FGF14: variants seen among roughly 807,000 people sequenced by gnomAD.
FGF14 encodes the protein fibroblast growth factor homologous factor 4.
FGF14 carries 5 observed loss-of-function variants against 25.5 expected under a neutral mutation model. That is an observed-to-expected ratio of 0.20 (90% CI 0.10 to 0.41). The LOEUF is 0.41. Ranked by LOEUF, FGF14 falls within the 10% of genes least tolerant of loss-of-function variation. The pLI is 1.00. For missense variants in FGF14, 222 were observed against 320.1 expected (o/e 0.69, Z 2.34); for synonymous variants, 138 against 118.3 (o/e 1.17, Z -1.08).
At chr13:102,120,978 A>G (rs2045698601) in intron 1 of FGF14, among the ~76,000 whole-genome samples, 3 of 152,208 alleles carry the variant, frequency 2.0e-5, no homozygotes, top group Non-Finnish European at 4.4e-5. Flanking sequence ...TGCTGGGATT[A>G]CAGGCATGAG....
chr13:102,145,311 A>G (rs148528234), intron 1 of FGF14, among the ~76,000 whole-genome samples: 2 of 152,292 alleles, frequency 1.3e-5, no homozygotes, highest in Admixed American at 1.3e-4. Context: ...GTTCTACTAG[A>G]AAAGGAGGGT....
chr13:101,801,918 C>A, intron 3 of FGF14: 1 of 430,776 alleles, frequency 2.3e-6, no homozygotes, highest in South Asian at 1.9e-5. Flanking sequence ...GGTAAGATGT[C>A]TGCTTGTGCT....
intron 1 of FGF14, among the ~76,000 whole-genome samples, chr13:102,191,940 T>C (rs1234614164): frequency 6.6e-6 from 1 of 152,180 alleles, no homozygotes; most frequent in Non-Finnish European, 1.5e-5. Flanking sequence ...CACAAGAATG[T>C]CTAAAACCAA....
chr13:101,734,467 A>T (rs527433027), intron 3 of FGF14, among the ~76,000 whole-genome samples: 123 of 152,330 alleles, frequency 8.1e-4, no homozygotes, highest in Non-Finnish European at 1.5e-3. Flanking sequence ...GAATATAGAC[A>T]TGTATAAACT....
intron 1 of FGF14, among the ~76,000 whole-genome samples, chr13:102,383,224 A>AC (rs71125067): frequency 0.36 from 54,433 of 151,468 alleles, 11,586 homozygotes; most frequent in African/African-American, 0.6. Flanking sequence ...TTCTTACATA[A>AC]AAATATGTTA....
chr13:101,960,722 C>T (rs1404436885), intron 1 of FGF14, among the ~76,000 whole-genome samples: 2 of 152,044 alleles, frequency 1.3e-5, no homozygotes, highest in African/African-American at 4.8e-5. Flanking sequence ...ATGGGATTGC[C>T]AGGTCAAACG....
intron 1 of FGF14, among the ~76,000 whole-genome samples, chr13:102,365,002 T>C (rs2057668694): frequency 6.6e-6 from 1 of 152,148 alleles, no homozygotes; most frequent in South Asian, 2.1e-4. Flanking sequence ...CCTTAAAAAT[T>C]TACCTAACTT....
chr13:102,087,013 G>A (rs1216387029), intron 1 of FGF14, among the ~76,000 whole-genome samples: 1 of 152,196 alleles, frequency 6.6e-6, no homozygotes, highest in African/African-American at 2.4e-5. Context: ...CTATGAGCCT[G>A]GCTTGTAGCA....
intron 1 of FGF14, among the ~76,000 whole-genome samples, chr13:101,913,691 T>A (rs775854438): frequency 2.6e-5 from 4 of 151,516 alleles, no homozygotes; most frequent in Non-Finnish European, 5.9e-5. Flanking sequence ...TGCACACACA[T>A]TGCTTTTTCT....
At chr13:102,278,346 G>A (rs1385128231) in intron 1 of FGF14, among the ~76,000 whole-genome samples, 6 of 152,104 alleles carry the variant, frequency 3.9e-5, no homozygotes, top group African/African-American at 1.4e-4. Context: ...AGGAAGCAGC[G>A]GACAAGTTGA....
At chr13:102,116,073 A>G (rs494890) in intron 1 of FGF14, among the ~76,000 whole-genome samples, 103,506 of 152,092 alleles carry the variant, frequency 0.68, 36,780 homozygotes, top group East Asian at 0.9. Context: ...TCAAGCCACT[A>G]GACTCCAGCC....
chr13:101,894,342 G>A (rs1481769879), intron 1 of FGF14, among the ~76,000 whole-genome samples: 1 of 152,078 alleles, frequency 6.6e-6, no homozygotes, highest in Non-Finnish European at 1.5e-5. Context: ...GCTTGCTGGT[G>A]CTTCTAATTG....
At chr13:101,921,413 T>C (rs189937897), upstream of FGF14, among the ~76,000 whole-genome samples, 13 of 152,310 alleles carry the variant, frequency 8.5e-5, no homozygotes, top group African/African-American at 3.1e-4. Flanking sequence ...AACCTGTTCT[T>C]CCAATCCTCG....
intron 1 of FGF14, among the ~76,000 whole-genome samples, chr13:102,029,752 G>A (rs1473271624): frequency 6.6e-6 from 1 of 152,108 alleles, no homozygotes; most frequent in Non-Finnish European, 1.5e-5. Flanking sequence ...TATACAGAAT[G>A]CAGTCCAAAA....
At chr13:102,087,684 A>T (rs1301994890) in intron 1 of FGF14, among the ~76,000 whole-genome samples, 1 of 147,870 alleles carries the variant, frequency 6.8e-6, no homozygotes, top group Admixed American at 7.0e-5. Flanking sequence ...TCGGCCTCCC[A>T]AAGTGCTGGG....
intron 3 of FGF14, among the ~76,000 whole-genome samples, chr13:101,829,533 C>T (rs1447121359): frequency 6.6e-6 from 1 of 152,006 alleles, no homozygotes; most frequent in African/African-American, 2.4e-5. Flanking sequence ...AAAGTGTTCA[C>T]TCTTCAGCTA....
chr13:101,728,158 A>G (rs927502699), intron 3 of FGF14, among the ~76,000 whole-genome samples: 1 of 152,198 alleles, frequency 6.6e-6, no homozygotes, highest in Non-Finnish European at 1.5e-5. Flanking sequence ...GAGACAATTT[A>G]TTCAGTGTGC....
At chr13:101,899,468 TA>T (rs1271125521) in intron 1 of FGF14, among the ~76,000 whole-genome samples, 1 of 151,896 alleles carries the variant, frequency 6.6e-6, no homozygotes, top group Non-Finnish European at 1.5e-5. Flanking sequence ...AAAAATATAA[TA>T]CTGGAAAGGT....
chr13:101,961,225 C>A (rs768048932), intron 1 of FGF14, among the ~76,000 whole-genome samples: 72 of 152,104 alleles, frequency 4.7e-4, no homozygotes, highest in Admixed American at 2.6e-3. Context: ...GCTTTTGTTG[C>A]CATTGCTTTC....
Sources: gnomAD v4.1 joint callset for allele counts (sites outside exome capture counted in the v4.1 genomes callset) on GRCh38, gnomAD v4.1.1 for gene constraint, MANE v1.5 for transcripts, NCBI Gene and HGNC (gene_info 2026-07-23, HGNC 2026-07-21) for gene names.